Variants in LRRIQ1 observed in about 807,000 individuals in gnomAD.
LRRIQ1 encodes leucine rich repeats and IQ motif containing 1.
Under a neutral mutation model 211.9 loss-of-function variants are expected in LRRIQ1, and 210 were observed. The observed-to-expected ratio is 0.99, with a 90% CI of 0.89 to 1.11. The LOEUF is 1.11. LRRIQ1 is among the 50% of genes most tolerant of loss of function. The probability of loss-of-function intolerance (pLI) is 0.00; values close to 1 mark genes in which losing one functional copy is unlikely to be tolerated. For missense variants in LRRIQ1, 2,136 were observed against 1,939.5 expected, an observed-to-expected ratio of 1.10 and a Z score of -1.90; for synonymous variants, 699 against 650.1, an observed-to-expected ratio of 1.08 and a Z score of -1.14.
chr12:85,204,624 TA>T (rs1893454440), intron 24 of LRRIQ1, among the ~76,000 whole-genome samples: 1 of 152,182 alleles, frequency 6.6e-6, no homozygotes, highest in Non-Finnish European at 1.5e-5. Context: ...TTTGGAGCTT[TA>T]AGATTTGACT....
chr12:85,070,108 A>G (rs1158957835), intron 10 of LRRIQ1, among the ~76,000 whole-genome samples: 1 of 152,008 alleles, frequency 6.6e-6, no homozygotes, highest in Non-Finnish European at 1.5e-5. Flanking sequence ...TGTATTTTCT[A>G]TAAATTGAAG....
At chr12:85,173,612 ATC>A (rs1315865405) in intron 24 of LRRIQ1, among the ~76,000 whole-genome samples, 1 of 151,036 alleles carries the variant, frequency 6.6e-6, no homozygotes, top group Non-Finnish European at 1.5e-5. Context: ...TACACACGCA[ATC>A]TCTCATACAC....
intron 19 of LRRIQ1, among the ~76,000 whole-genome samples, chr12:85,141,746 CTG>C (rs753014623): frequency 2.6e-5 from 4 of 151,202 alleles, no homozygotes; most frequent in East Asian, 2.0e-4. Context: ...AGTATTTAGA[CTG>C]TTTTAATTGA....
At chr12:85,231,718 TC>T (rs757314861) in intron 25 of LRRIQ1, among the ~76,000 whole-genome samples, 3 of 152,060 alleles carry the variant, frequency 2.0e-5, no homozygotes, top group Non-Finnish European at 4.4e-5. Context: ...TGGGAACTAA[TC>T]CAGTCCTGCC....
intron 3 of LRRIQ1, among the ~76,000 whole-genome samples, chr12:85,041,300 C>A (rs925519460): frequency 6.6e-6 from 1 of 151,680 alleles, no homozygotes; most frequent in African/African-American, 2.4e-5. Context: ...AAGAATACAG[C>A]AGTGAACAAA....
chr12:85,077,505 ATAG>A (rs1883790446), intron 11 of LRRIQ1, among the ~76,000 whole-genome samples: 1 of 152,188 alleles, frequency 6.6e-6, no homozygotes, highest in South Asian at 2.1e-4. Flanking sequence ...TTTATTTTGA[ATAG>A]GGCAGGGGAA....
At chr12:85,136,234 G>GA (rs551856865) in intron 18 of LRRIQ1, among the ~76,000 whole-genome samples, 23 of 151,770 alleles carry the variant, frequency 1.5e-4, no homozygotes, top group Admixed American at 2.6e-4. Flanking sequence ...ACACAAATGA[G>GA]AAAAAAATGG....
intron 24 of LRRIQ1, among the ~76,000 whole-genome samples, chr12:85,190,851 T>G (rs1480187680): frequency 6.6e-6 from 1 of 151,926 alleles, no homozygotes; most frequent in African/African-American, 2.4e-5. Flanking sequence ...TATCTCTAAC[T>G]CCAAATTTCA....
intron 11 of LRRIQ1, among the ~76,000 whole-genome samples, chr12:85,083,762 A>G (rs1884537867): frequency 6.6e-6 from 1 of 152,158 alleles, no homozygotes; most frequent in South Asian, 2.1e-4. Context: ...TACATAATTA[A>G]TACCTGCCTA....
At chr12:85,090,470 C>T (rs891574334) in intron 11 of LRRIQ1, among the ~76,000 whole-genome samples, 1 of 152,148 alleles carries the variant, frequency 6.6e-6, no homozygotes, top group Admixed American at 6.5e-5. Context: ...GGGATAAACC[C>T]GGTAAAGCTA....
intron 24 of LRRIQ1, among the ~76,000 whole-genome samples, chr12:85,215,179 A>T (rs780228575): frequency 1.1e-4 from 16 of 152,194 alleles, no homozygotes; most frequent in Non-Finnish European, 2.2e-4. Context: ...ACAAGAACCA[A>T]TGAAACTCAT....
exon 2 of LRRIQ1, chr12:85,263,519 C>T (rs1448108978): frequency 6.6e-6 from 1 of 151,616 alleles, no homozygotes; most frequent in Non-Finnish European, 1.5e-5. Context: ...CATGGAATAA[C>T]TGAAAATAAA....
Position 85,073,051 on chromosome 12 carries a change from C to T in LRRIQ1, c.2840C>T (p.Thr947Ile). The change falls in exon 11 of 27, where the codon ACA (threonine) becomes ATA (isoleucine). Residue 947 changes from threonine (T) to isoleucine (I), a missense_variant. By Grantham distance (89) the Thr-to-Ile change is moderately conservative. Coordinates refer to ENST00000393217, the MANE Select transcript of LRRIQ1 (RefSeq NM_001079910.2). Reference protein sequence around the residue: ...CWSWIPITSLTKNSDCNFLIS... With the variant: ...CWSWIPITSLIKNSDCNFLIS... ...TCCTGGATACCTATTACCTCACTTA[C>T]AAAAAATTCAGATTGTAATTTCCTT... 6.2e-7 allele frequency: 1 copy of T among 1,609,228 alleles called. No homozygotes were observed. Among genetic ancestry groups the T allele is most frequent in the Non-Finnish European group, 8.5e-7 (1 of 1,177,550 alleles).
At chr12:85,220,322 C>A (rs1431016276) in intron 24 of LRRIQ1, among the ~76,000 whole-genome samples, 1 of 151,894 alleles carries the variant, frequency 6.6e-6, no homozygotes, top group Non-Finnish European at 1.5e-5. Context: ...AAATAGTTAG[C>A]TTATTTTTCT....
At chr12:85,181,191 T>TAAAG (rs1891964449) in intron 24 of LRRIQ1, among the ~76,000 whole-genome samples, 1 of 151,904 alleles carries the variant, frequency 6.6e-6, no homozygotes, top group African/African-American at 2.4e-5. Flanking sequence ...ATAAATCTAA[T>TAAAG]TATAAAAATT....
intron 15 of LRRIQ1, among the ~76,000 whole-genome samples, chr12:85,114,462 T>G (rs1887424777): frequency 6.6e-6 from 1 of 152,202 alleles, no homozygotes. Context: ...AATTAATGTC[T>G]CAAATAATCT....
intron 14 of LRRIQ1, among the ~76,000 whole-genome samples, chr12:85,105,796 ATTTTTTT>A (rs5799719): frequency 3.9e-5 from 5 of 127,686 alleles, no homozygotes; most frequent in Admixed American, 3.3e-4. Context: ...CTTTCTTTCT[ATTTTTTT>A]TTTTTTTTTT....
chr12:85,247,606 C>G (rs114037734), downstream of LRRIQ1, among the ~76,000 whole-genome samples: 2,034 of 151,514 alleles, frequency 0.013, 41 homozygotes, highest in African/African-American at 0.045. Context: ...ATGTTTATAT[C>G]ATAGTTTTAG....
At chr12:85,106,725 A>G in intron 15 of LRRIQ1, 110 bp downstream of exon 15, 1 of 730,878 alleles carries the variant, frequency 1.4e-6, no homozygotes, top group Non-Finnish European at 2.2e-6. Context: ...TTAATTAAAA[A>G]ATTAAAAGTC....
Sources: gnomAD v4.1 joint callset for allele counts (sites outside exome capture counted in the v4.1 genomes callset) on GRCh38, gnomAD v4.1.1 for gene constraint, MANE v1.5 for transcripts, NCBI Gene and HGNC (gene_info 2026-07-23, HGNC 2026-07-21) for gene names.